DGKI: variants seen among roughly 807,000 people sequenced by gnomAD.
DGKI encodes the protein DAG kinase iota.
A neutral mutation model predicts 147.5 loss-of-function variants in DGKI; 55 were observed. The observed-to-expected ratio is 0.37, with a 90% confidence interval of 0.30 to 0.47. The LOEUF (loss-of-function observed/expected upper bound fraction) is 0.47, where lower values mean the gene tolerates loss of function less well. Ranked by LOEUF, DGKI falls within the 20% of genes least tolerant of loss-of-function variation. DGKI has a pLI of 1.00. For synonymous variants in DGKI, 469 were observed against 477.1 expected, an observed-to-expected ratio of 0.98 and a Z score of 0.22; for missense variants, 1,007 against 1,323.8, an observed-to-expected ratio of 0.76 and a Z score of 3.71.
intron 21 of DGKI, among the ~76,000 whole-genome samples, chr7:137,500,454 T>C (rs1816129952): frequency 6.6e-6 from 1 of 152,188 alleles, no homozygotes; most frequent in South Asian, 2.1e-4. Context: ...AAATAATGCA[T>C]AAATGAAAAC....
chr7:137,444,641 G>A (rs189351963), intron 27 of DGKI, among the ~76,000 whole-genome samples: 27 of 152,282 alleles, frequency 1.8e-4, no homozygotes, highest in African/African-American at 5.5e-4. Context: ...CTCAGAACCC[G>A]GGAGAAACAG....
chr7:137,843,660 G>C (rs1050972839), intron 1 of DGKI, among the ~76,000 whole-genome samples: 2 of 151,664 alleles, frequency 1.3e-5, no homozygotes, highest in African/African-American at 4.8e-5. Flanking sequence ...TTCCTAAAAA[G>C]ACAGGAGTCA....
chr7:137,507,520 T>C (rs756872659), intron 21 of DGKI, among the ~76,000 whole-genome samples: 1 of 152,194 alleles, frequency 6.6e-6, no homozygotes, highest in Non-Finnish European at 1.5e-5. Context: ...GCTTATGGCA[T>C]TGATAATCTT....
At chr7:137,628,603 G>A (rs1353146425) in intron 6 of DGKI, among the ~76,000 whole-genome samples, 2 of 152,166 alleles carry the variant, frequency 1.3e-5, no homozygotes, top group Non-Finnish European at 2.9e-5. Flanking sequence ...AAGTTCAACC[G>A]ACTCTGTGAT....
chr7:137,416,667 TC>T (rs981820065), intron 28 of DGKI, among the ~76,000 whole-genome samples: 10 of 152,070 alleles, frequency 6.6e-5, no homozygotes, highest in South Asian at 4.2e-4. Context: ...TGAGTCTGCT[TC>T]CCCCCCTCTG....
chr7:137,653,943 G>A, intron 5 of DGKI, among the ~76,000 whole-genome samples: 1 of 152,196 alleles, frequency 6.6e-6, no homozygotes, highest in East Asian at 1.9e-4. Context: ...ACTGATTAGG[G>A]AGTGCAATTT....
intron 28 of DGKI, among the ~76,000 whole-genome samples, chr7:137,412,988 G>A (rs958758919): frequency 6.6e-5 from 10 of 152,244 alleles, no homozygotes; most frequent in Non-Finnish European, 1.3e-4. Context: ...AGGAATGAGA[G>A]GCTAGGCATG....
intron 28 of DGKI, among the ~76,000 whole-genome samples, chr7:137,427,138 A>G (rs544679283): frequency 6.6e-6 from 1 of 152,192 alleles, no homozygotes; most frequent in Non-Finnish European, 1.5e-5. Flanking sequence ...AAAATTGACC[A>G]CATAGTTGGA....
intron 8 of DGKI, among the ~76,000 whole-genome samples, chr7:137,611,651 T>C (rs889373082): frequency 5.9e-5 from 9 of 152,098 alleles, no homozygotes; most frequent in African/African-American, 2.2e-4. Flanking sequence ...AGTTATGAAG[T>C]TATAACCAGC....
In DGKI at chr7:137,512,488, C is replaced by T. The variant is rs137879715; in HGVS notation, c.2248+9378G>A. 8.0e-3 allele frequency among the ~76,000 whole-genome samples: 1,225 copies of T among 152,294 alleles called. 5 individuals carry two copies. The highest frequency in any genetic ancestry group is 0.013 in the Non-Finnish European group (914 of 68,026). On this transcript the variant is annotated intron_variant, in intron 21 of 32. Coordinates refer to ENST00000614521, the MANE Select transcript of DGKI (RefSeq NM_001321708.2). ...AAGGGAAGTCTAACTACCATCTGAG[C>T]TTACATTCCAGAGTTGTCAACCTGG...
rs202236806 is a variant in DGKI, at chr7:137,767,549, G to GGAAGA, written c.402-77552_402-77548dup. On this transcript the variant is annotated intron_variant, in intron 1 of 32. Transcript: ENST00000614521. ...AGAGAAGAGTAGAGTAGGAGGAAGA[G>GGAAGA]GAAGAGAAGAGAAGAGAAGAGAAGG... 5.5e-4 allele frequency among the ~76,000 whole-genome samples: 66 copies of GGAAGA among 120,904 alleles called. 1 individual carries two copies. Among genetic ancestry groups the GGAAGA allele is most frequent in the South Asian group, 2.8e-3 (10 of 3,592 alleles). 79.3% of individuals were successfully genotyped at this position (120,904 alleles called of 152,430 possible).
chr7:137,749,194 T>C (rs1435529598), intron 1 of DGKI, among the ~76,000 whole-genome samples: 1 of 152,240 alleles, frequency 6.6e-6, no homozygotes, highest in Non-Finnish European at 1.5e-5. Flanking sequence ...ACAGCTCCTC[T>C]GTCCTCCACC....
chr7:137,536,248 G>A (rs1268789956), intron 20 of DGKI, among the ~76,000 whole-genome samples: 2 of 152,142 alleles, frequency 1.3e-5, no homozygotes, highest in Non-Finnish European at 2.9e-5. Flanking sequence ...TCATAGGCAA[G>A]TTTCCTACCA....
chr7:137,473,920 C>T (rs896839995), intron 23 of DGKI, among the ~76,000 whole-genome samples: 6 of 152,294 alleles, frequency 3.9e-5, no homozygotes, highest in Admixed American at 6.5e-5. Flanking sequence ...CAATTGGATA[C>T]TTTCCTGGTG....
At chr7:137,519,128 C>T (rs974219777) in intron 21 of DGKI, among the ~76,000 whole-genome samples, 3 of 151,886 alleles carry the variant, frequency 2.0e-5, no homozygotes, top group Non-Finnish European at 4.4e-5. Flanking sequence ...TAAATTTTTC[C>T]GGGATATTAT....
At chr7:137,543,408 A>T (rs1183379820) in intron 20 of DGKI, among the ~76,000 whole-genome samples, 2 of 152,130 alleles carry the variant, frequency 1.3e-5, no homozygotes, top group Non-Finnish European at 2.9e-5. Flanking sequence ...AAATTTCATG[A>T]TTTTTCTTTG....
intron 21 of DGKI, among the ~76,000 whole-genome samples, chr7:137,504,960 A>G: frequency 6.6e-6 from 1 of 152,062 alleles, no homozygotes. Context: ...CTGGGTGAAA[A>G]TCTTTGCAAA....
At chr7:137,660,971 T>C (rs1487619814) in intron 3 of DGKI, among the ~76,000 whole-genome samples, 1 of 152,190 alleles carries the variant, frequency 6.6e-6, no homozygotes, top group African/African-American at 2.4e-5. Flanking sequence ...GCCTTTTTGC[T>C]GCCCAAGGTA....
rs1007032365 is a variant in DGKI at position 137,775,910 on chromosome 7, G to C, written c.401+70552C>G. On this transcript the variant is annotated intron_variant, in intron 1 of 32. Transcript: ENST00000614521. ...TTTCGCCCTTTTTGCCCAGGCTGGA[G>C]TGCAATGGTGTGATCTCGGCTCACT... Among the ~76,000 whole-genome samples the C allele has an allele frequency of 2.6e-5, 4 of 152,070 alleles. No homozygotes were observed. In the South Asian group the frequency reaches 8.3e-4, roughly 32 times the overall value.
Sources: gnomAD v4.1 joint callset for allele counts (sites outside exome capture counted in the v4.1 genomes callset) on GRCh38, gnomAD v4.1.1 for gene constraint, MANE v1.5 for transcripts, NCBI Gene and HGNC (gene_info 2026-07-23, HGNC 2026-07-21) for gene names.